The following HTR1E variants were observed in gnomAD, a reference collection of about 807,000 sequenced individuals.
The protein encoded by HTR1E is 5-HT-1E.
A neutral mutation model predicts 3.4 loss-of-function variants in HTR1E; 3 were observed. That is an observed-to-expected ratio of 0.89 (90% confidence interval 0.41 to 2.31). HTR1E has a LOEUF of 2.31. Among genes scored for constraint, HTR1E ranks in the 30% most tolerant of loss-of-function variants. The probability of loss-of-function intolerance (pLI) is 0.05; values close to 1 mark genes in which losing one functional copy is unlikely to be tolerated. For missense variants in HTR1E, 392 were observed against 467.0 expected (o/e 0.84, Z 1.48); for synonymous variants, 170 against 182.8 (o/e 0.93, Z 0.56).
At chr6:86,981,158 T>A (rs948360820) in intron 1 of HTR1E, among the ~76,000 whole-genome samples, 1 of 152,216 alleles carries the variant, frequency 6.6e-6, no homozygotes, top group Non-Finnish European at 1.5e-5. Context: ...ATCCACCGAC[T>A]TTAAGTTCTG....
intron 1 of HTR1E, among the ~76,000 whole-genome samples, chr6:86,966,286 T>A (rs1229861241): frequency 6.6e-6 from 1 of 152,020 alleles, no homozygotes; most frequent in Non-Finnish European, 1.5e-5. Context: ...AAGAGAAAAG[T>A]AAGAAGGAAA....
chr6:86,966,730 A>G (rs1187096014), intron 1 of HTR1E, among the ~76,000 whole-genome samples: 1 of 152,178 alleles, frequency 6.6e-6, no homozygotes, highest in East Asian at 1.9e-4. Flanking sequence ...TGGAATGCTG[A>G]GATGGAGTTT....
At chr6:87,010,791 G>C (rs1768217504) in intron 1 of HTR1E, among the ~76,000 whole-genome samples, 1 of 151,638 alleles carries the variant, frequency 6.6e-6, no homozygotes, top group Non-Finnish European at 1.5e-5. Context: ...GGAGGCCAAG[G>C]CAGGCGGCTG....
At chr6:86,944,844 G>A (rs752744399) in intron 1 of HTR1E, among the ~76,000 whole-genome samples, 1 of 152,128 alleles carries the variant, frequency 6.6e-6, no homozygotes. Flanking sequence ...ACAATGTATC[G>A]CTCATGTGCT....
chr6:87,012,221 A>T (rs900224660), intron 1 of HTR1E, among the ~76,000 whole-genome samples: 3 of 152,214 alleles, frequency 2.0e-5, no homozygotes, highest in African/African-American at 7.2e-5. Flanking sequence ...TTGGCCCTAA[A>T]TAATCCTCCA....
chr6:86,938,542 G>T (rs1267300279), intron 1 of HTR1E, among the ~76,000 whole-genome samples: 2 of 152,168 alleles, frequency 1.3e-5, no homozygotes, highest in Admixed American at 1.3e-4. Context: ...GATCATAGTG[G>T]TTTTGCATCT....
At chr6:86,941,960 A>G (rs1214664681) in intron 1 of HTR1E, among the ~76,000 whole-genome samples, 1 of 152,202 alleles carries the variant, frequency 6.6e-6, no homozygotes, top group African/African-American at 2.4e-5. Context: ...GACAGATTAA[A>G]TAATTAGCTA....
chr6:86,994,010 A>G (rs1767903516), intron 1 of HTR1E, among the ~76,000 whole-genome samples: 1 of 152,174 alleles, frequency 6.6e-6, no homozygotes, highest in Non-Finnish European at 1.5e-5. Context: ...AGCTCAGTTT[A>G]TGGACTCAAG....
intron 1 of HTR1E, among the ~76,000 whole-genome samples, chr6:86,963,981 T>C (rs969642311): frequency 5.3e-5 from 8 of 152,182 alleles, no homozygotes; most frequent in South Asian, 2.1e-4. Flanking sequence ...CCCCATGGTC[T>C]TAGGGGTAGG....
chr6:87,008,968 C>T (rs1302398425), intron 1 of HTR1E, among the ~76,000 whole-genome samples: 10 of 152,038 alleles, frequency 6.6e-5, no homozygotes, highest in Admixed American at 6.5e-4. Context: ...CAAATATATA[C>T]CCCTGATAAT....
intron 1 of HTR1E, among the ~76,000 whole-genome samples, chr6:86,973,941 A>C (rs928020473): frequency 1.3e-5 from 2 of 152,164 alleles, no homozygotes; most frequent in Non-Finnish European, 2.9e-5. Context: ...CTGGCCAGTC[A>C]CAAGTCCACA....
chr6:87,011,619 A>G (rs970901565), intron 1 of HTR1E, among the ~76,000 whole-genome samples: 1 of 152,206 alleles, frequency 6.6e-6, no homozygotes, highest in African/African-American at 2.4e-5. Flanking sequence ...GGAAAGGGGA[A>G]TATGTCAACA....
chr6:86,990,260 T>C (rs1430784301), intron 1 of HTR1E, among the ~76,000 whole-genome samples: 1 of 152,240 alleles, frequency 6.6e-6, no homozygotes, highest in Admixed American at 6.5e-5. Flanking sequence ...ACCAGCTAGC[T>C]TAAATGATAG....
chr6:86,970,537 C>A, intron 1 of HTR1E: 1 of 178,978 alleles, frequency 5.6e-6, no homozygotes, highest in South Asian at 1.3e-4. Context: ...AGCTGAAGAT[C>A]AAGCACCTGA....
intron 1 of HTR1E, among the ~76,000 whole-genome samples, chr6:86,953,623 A>G (rs977426035): frequency 6.6e-6 from 1 of 152,074 alleles, no homozygotes; most frequent in African/African-American, 2.4e-5. Context: ...CAAACTCAAA[A>G]CTCACATGAT....
chr6:86,984,369 C>T (rs994222175), intron 1 of HTR1E, among the ~76,000 whole-genome samples: 4 of 152,158 alleles, frequency 2.6e-5, no homozygotes, highest in African/African-American at 9.7e-5. Flanking sequence ...CACATTCTTT[C>T]AATTGACCTC....
chr6:86,944,911 A>G (rs1445382567), intron 1 of HTR1E, among the ~76,000 whole-genome samples: 1 of 151,590 alleles, frequency 6.6e-6, no homozygotes, highest in Non-Finnish European at 1.5e-5. Context: ...AGTATAGCAC[A>G]TACAATTATG....
chr6:86,963,374 T>A (rs1006985638), intron 1 of HTR1E, among the ~76,000 whole-genome samples: 1 of 152,114 alleles, frequency 6.6e-6, no homozygotes, highest in East Asian at 1.9e-4. Flanking sequence ...TATCAAGAAG[T>A]TAAAAAAATT....
chr6:86,944,811 C>T (rs1295814891), intron 1 of HTR1E, among the ~76,000 whole-genome samples: 3 of 152,162 alleles, frequency 2.0e-5, no homozygotes, highest in Admixed American at 6.6e-5. Context: ...GTGACATCAT[C>T]GCTATTGCAA....
Sources: gnomAD v4.1 joint callset for allele counts (sites outside exome capture counted in the v4.1 genomes callset) on GRCh38, gnomAD v4.1.1 for gene constraint, MANE v1.5 for transcripts, NCBI Gene and HGNC (gene_info 2026-07-23, HGNC 2026-07-21) for gene names.